Variants in KNTC1 observed in about 807,000 individuals in gnomAD.
The protein encoded by KNTC1 is kinetochore associated 1, also known as kinetochore-associated protein 1.
KNTC1 carries 253 observed loss-of-function variants against 314.4 expected under a neutral mutation model. The ratio of observed to expected loss-of-function variants is 0.80; its 90% confidence interval spans 0.73 to 0.89. The LOEUF is 0.89. Among genes scored for constraint, KNTC1 ranks in the 40% least tolerant of loss-of-function variants. The pLI is 0.00. For missense variants in KNTC1, 2,475 were observed against 2,572.9 expected (o/e 0.96, Z 0.82); for synonymous variants, 901 against 901.4 (o/e 1.00, Z 0.01).
At position 122,530,176 on chromosome 12, in the gene KNTC1, A is replaced by G; in HGVS notation, c.113A>G (p.Lys38Arg). The change falls in exon 2 of 64, where the codon AAG becomes AGG. Residue 38 changes from lysine to arginine, a missense_variant. Transcript: ENST00000333479. The stretch of plus-strand genomic sequence containing the variant: ...TTATATCAAGTAGATTTGCTAGTGA[A>G]GATCTCTTCTGAAAAGGTAGTGATT... ...TALYQVDLLVKISSEKASLNP... is the reference protein window; with the variant it reads ...TALYQVDLLVRISSEKASLNP... The G allele has an allele frequency of 6.2e-7, 1 of 1,613,416 alleles. No homozygotes were observed.
In KNTC1 at chr12:122,587,767, C is replaced by CA; in HGVS notation, c.3788dup (p.Glu1264GlyfsTer3). 6.2e-7 allele frequency: 1 copy of CA among 1,613,786 alleles called. No homozygotes were observed. Among genetic ancestry groups the CA allele is most frequent in the South Asian group, 1.1e-5 (1 of 91,062 alleles). ...CATCTCTGCCCTGCTTCAGAATCTTCAGGAATCTAGCCAGTGGGAGCTAGC... is the reference window on the plus strand; with the variant it reads ...CATCTCTGCCCTGCTTCAGAATCTTCAAGGAATCTAGCCAGTGGGAGCTAGC... On this transcript the variant is annotated frameshift_variant, in exon 39 of 64. Transcript: ENST00000333479. LOFTEE classifies it high-confidence loss of function.
chr12:122,561,324 A>G (rs1963957727), intron 18 of KNTC1, among the ~76,000 whole-genome samples: 1 of 151,652 alleles, frequency 6.6e-6, no homozygotes, highest in South Asian at 2.1e-4. Context: ...CAAAAAAAAA[A>G]ATAATAATAA....
At chr12:122,582,141 G>T (rs1327734555) in intron 33 of KNTC1, among the ~76,000 whole-genome samples, 2 of 152,172 alleles carry the variant, frequency 1.3e-5, no homozygotes, top group African/African-American at 2.4e-5. Flanking sequence ...TGGAGGCCGG[G>T]TACAGTGGTT....
rs1593550892 is a variant in KNTC1 at position 122,563,836 on chromosome 12, G to A, written c.1604+1137G>A. On this transcript the variant is annotated intron_variant, in intron 20 of 63. Coordinates refer to ENST00000333479, the MANE Select transcript of KNTC1 (RefSeq NM_014708.6). ...TCAGCAGGAGGCAAAGACTTCAACA[G>A]AAGGAGACAGTCTTCACTCTATAAA... 5 of 1,441,568 alleles carry A rather than the reference G, an allele frequency of 3.5e-6. No homozygotes were observed. The East Asian group carries it at 1.3e-4, about 37-fold the overall frequency. The allele number at this position is 1,441,568 out of a possible 1,614,324, so 89.3% of individuals were successfully genotyped here.
At chr12:122,626,132 G>T in intron 63 of KNTC1, 73 bp from the exon 64 acceptor site, 1 of 1,061,076 alleles carries the variant, frequency 9.4e-7, no homozygotes, top group South Asian at 1.3e-5. Context: ...AAGTTCTGTA[G>T]TTTATCTGAC....
chr12:122,613,315 G>A, intron 54 of KNTC1, 85 bp downstream of exon 54: 1 of 879,122 alleles, frequency 1.1e-6, no homozygotes, highest in Non-Finnish European at 1.8e-6. Context: ...GAATTCAGAA[G>A]AGCATAGTAG....
chr12:122,530,287 T>A, intron 2 of KNTC1, 95 bp downstream of exon 2: 1 of 1,043,674 alleles, frequency 9.6e-7, no homozygotes, highest in Middle Eastern at 2.3e-4. Context: ...TGAATGAACA[T>A]AGCACTTCCT....
intron 51 of KNTC1, among the ~76,000 whole-genome samples, chr12:122,608,418 C>G (rs1262611080): frequency 1.3e-5 from 2 of 152,188 alleles, no homozygotes; most frequent in African/African-American, 4.8e-5. Flanking sequence ...GTGTGAACCA[C>G]TGCACCTGGC....
intron 19 of KNTC1, among the ~76,000 whole-genome samples, 199 bp from the exon 20 acceptor site, chr12:122,562,439 T>TTGTGTGTGTGTGTGTG (rs4039211): frequency 1.4e-5 from 2 of 144,982 alleles, no homozygotes; most frequent in Non-Finnish European, 3.0e-5. Flanking sequence ...ATCCCATGTT[T>TTGTGTGTGTGTGTGTG]TGTGTGTGTG....
At chr12:122,601,452 A>T (rs1871886904) in intron 44 of KNTC1, 84 bp from the exon 45 acceptor site, 7 of 1,145,682 alleles carry the variant, frequency 6.1e-6, no homozygotes, top group South Asian at 1.6e-5. Flanking sequence ...TTATATTTGT[A>T]ATCTGTGCTG....
chr12:122,556,699 A>G (rs1444507311), intron 16 of KNTC1, among the ~76,000 whole-genome samples: 1 of 151,322 alleles, frequency 6.6e-6, no homozygotes, highest in Non-Finnish European at 1.5e-5. Context: ...CTGACCTCAA[A>G]TAATCCTCCT....
In KNTC1 at chr12:122,544,260, G is replaced by T. The variant is rs927924368; in HGVS notation, c.660G>T (p.Val220=). Residue 220 remains valine, a synonymous_variant, in exon 8 of 64, where the codon GTG becomes GTT. Coordinates refer to ENST00000333479, the MANE Select transcript of KNTC1 (RefSeq NM_014708.6). ...GAGATTTAGCAAGTGAAGTTCCTGT[G>T]ATAATTGGGGTAATTGTTTTTATAA... The part of the protein sequence containing the change: ...VAGDLASEVP[V]IIGGTGNCAF... The T allele has an allele frequency of 6.6e-7, 1 of 1,509,724 alleles. No homozygotes were observed. Among genetic ancestry groups the T allele is most frequent in the South Asian group, 1.2e-5 (1 of 81,536 alleles). 93.5% of individuals were successfully genotyped at this position (1,509,724 alleles called of 1,614,324 possible).
At chr12:122,573,321 A>C in intron 26 of KNTC1, 36 bp downstream of exon 26, 1 of 1,583,198 alleles carries the variant, frequency 6.3e-7, no homozygotes, top group South Asian at 1.1e-5. Flanking sequence ...TATTTCTTGG[A>C]TCTATGCAGT....
chr12:122,601,719 A>G, intron 45 of KNTC1, 94 bp downstream of exon 45: 1 of 1,172,144 alleles, frequency 8.5e-7, no homozygotes, highest in Non-Finnish European at 1.1e-6. Flanking sequence ...CAAATTATCC[A>G]TTGAATTCCC....
At position 122,617,597 on chromosome 12, in the gene KNTC1, A is replaced by C. The variant is rs111882438; in HGVS notation, c.6031-746A>C. 1,261 of 197,160 alleles carry C rather than the reference A, an allele frequency of 6.4e-3. 20 individuals are homozygous for C. The highest frequency in any genetic ancestry group is 0.028 in the African/African-American group (1,202 of 42,642). The allele number at this position is 197,160 out of a possible 1,614,324, so 12.2% of individuals were successfully genotyped here. A position where few individuals can be genotyped will look rare whatever the true frequency, so the allele number is the denominator to read the frequency against. ...TCCTTCTTTCCTGTGGCCCTGGCAC[A>C]TAACCGGCTAAGGATTAATTTTCTT... On this transcript the variant is annotated intron_variant, in intron 57 of 63. Coordinates refer to ENST00000333479, the MANE Select transcript of KNTC1 (RefSeq NM_014708.6).
At chr12:122,571,176 A>G (rs1167460375) in intron 24 of KNTC1, 50 bp downstream of exon 24, 1 of 1,398,580 alleles carries the variant, frequency 7.2e-7, no homozygotes, top group Non-Finnish European at 1.0e-6. Flanking sequence ...GTTTACCTGA[A>G]AGGGTTTGTC....
intron 24 of KNTC1, among the ~76,000 whole-genome samples, chr12:122,571,733 G>A (rs1261097383): frequency 4.0e-5 from 6 of 151,426 alleles, no homozygotes; most frequent in East Asian, 2.0e-4. Context: ...GCAGTGGTGC[G>A]ATCTCAGCTC....
At chr12:122,548,014 A>G (rs1480572060) in intron 12 of KNTC1, 45 bp downstream of exon 12, 6 of 1,235,314 alleles carry the variant, frequency 4.9e-6, no homozygotes, top group African/African-American at 1.5e-5. Context: ...TATGTGTTAG[A>G]AAAAGCATTA....
chr12:122,586,382 G>A (rs971933123), intron 37 of KNTC1, among the ~76,000 whole-genome samples: 4 of 151,880 alleles, frequency 2.6e-5, no homozygotes, highest in Admixed American at 6.6e-5. Flanking sequence ...GCGCCCGGCC[G>A]ATGTTCTATT....
Sources: allele counts gnomAD v4.1 joint callset (sites outside exome capture counted in the v4.1 genomes callset), GRCh38; gene constraint gnomAD v4.1.1; transcripts MANE v1.5; gene names NCBI Gene and HGNC (gene_info 2026-07-23, HGNC 2026-07-21).